The following KIF13A variants were observed in gnomAD, a reference collection of about 807,000 sequenced individuals.
The protein encoded by KIF13A is kinesin-like protein KIF13A.
KIF13A carries 79 observed loss-of-function variants against 212.2 expected under a neutral mutation model. That is an observed-to-expected ratio of 0.37 (90% CI 0.31 to 0.45). The LOEUF is 0.45. Among genes scored for constraint, KIF13A ranks in the 20% least tolerant of loss-of-function variants. KIF13A has a pLI of 1.00. For missense variants in KIF13A, 1,901 were observed against 2,209.0 expected, an observed-to-expected ratio of 0.86 and a Z score of 2.79; for synonymous variants, 789 against 808.6, an observed-to-expected ratio of 0.98 and a Z score of 0.41.
chr6:17,872,748 G>A lies in KIF13A; in HGVS notation c.220+629C>T, dbSNP rs138219385. On this transcript the variant is annotated intron_variant, in intron 4 of 38. Coordinates refer to ENST00000259711, the MANE Select transcript of KIF13A (RefSeq NM_022113.6). This position sits in a 1 kb window ranked among gnomAD's most constrained non-coding sequence, Gnocchi z 4.7. ...CCTCCTGGGCTCAAGGCATTCTCCCGCCTCAGCCTCCCAAGTAGCTGGGAT... is the reference window on the plus strand; with the variant it reads ...CCTCCTGGGCTCAAGGCATTCTCCCACCTCAGCCTCCCAAGTAGCTGGGAT... 4.5e-3 allele frequency among the ~76,000 whole-genome samples: 679 copies of A among 152,070 alleles called. 5 individuals are homozygous for A. The highest frequency in any genetic ancestry group is 0.014 in the Middle Eastern group (4 of 292).
rs747183114 is a variant in KIF13A at position 17,800,083 on chromosome 6, G to C, written c.2485C>G (p.Arg829Gly). The C allele has an allele frequency of 5.6e-6, 9 of 1,613,744 alleles. No homozygotes were observed. The highest frequency in any genetic ancestry group is 6.8e-6 in the Non-Finnish European group (8 of 1,179,822). ...VAGRLHVEVM[R>G]VTGAVPERVV... ...CGCTCTGGAACAGCTCCTGTAACAC[G>C]CATCACTTCCACGTGGAGACGCCCT... The change falls in exon 21 of 39, where the codon CGT becomes GGT. Residue 829 changes from arginine to glycine, a missense_variant. Around this residue, in one of 5 missense-constraint regions of KIF13A, gnomAD observed 534 missense variants for 536.9 expected, o/e 0.99. Coordinates refer to ENST00000259711, the MANE Select transcript of KIF13A (RefSeq NM_022113.6).
At position 17,900,939 on chromosome 6, in the gene KIF13A, G is replaced by A. The variant is rs967931166; in HGVS notation, c.147-2759C>T. On this transcript the variant is annotated intron_variant, in intron 2 of 38. Transcript: ENST00000259711. This position sits in a 1 kb window ranked among gnomAD's most constrained non-coding sequence, Gnocchi z 4.6. Reference sequence around the variant, plus strand: ...TAAAAATACAAAAAATTAGCCGGGCGTGGTGGCGGGTGCCTGTAGTCCCAG... The same window carrying A: ...TAAAAATACAAAAAATTAGCCGGGCATGGTGGCGGGTGCCTGTAGTCCCAG... Among the ~76,000 whole-genome samples, 14 of 151,898 alleles carry A rather than the reference G, an allele frequency of 9.2e-5. No individual in the cohort carries two copies. Among genetic ancestry groups the A allele is most frequent in the South Asian group, 2.1e-4 (1 of 4,804 alleles).
At chr6:17,896,080 G>A (rs750072010) in intron 3 of KIF13A, among the ~76,000 whole-genome samples, 17 of 152,082 alleles carry the variant, frequency 1.1e-4, no homozygotes, top group Non-Finnish European at 2.2e-4. Flanking sequence ...CTACTCTGTT[G>A]GTCCCCTGGA....
chr6:17,975,960 TAC>T (rs1348048356), intron 2 of KIF13A, among the ~76,000 whole-genome samples: 1 of 141,668 alleles, frequency 7.1e-6, no homozygotes, highest in Non-Finnish European at 1.5e-5. Flanking sequence ...AGTAGCTAGA[TAC>T]AGTGTCGATT....
Position 17,772,357 on chromosome 6 carries a change from TA to T in KIF13A, c.4325-299del, listed in dbSNP as rs528382186. Among the ~76,000 whole-genome samples, 712 of 151,942 alleles carry T rather than the reference TA, an allele frequency of 4.7e-3. 2 individuals carry two copies. Among genetic ancestry groups the T allele is most frequent in the Admixed American group, 9.6e-3 (147 of 15,268 alleles). ...CCCAGGGGTTGAGGCTGCAGTGAGTTATAATGGTGCCACTGCACTCCAGCCC... is the reference window on the plus strand; with the variant it reads ...CCCAGGGGTTGAGGCTGCAGTGAGTTTAATGGTGCCACTGCACTCCAGCCC... On this transcript the variant is annotated intron_variant, in intron 36 of 38. Coordinates refer to ENST00000259711, the MANE Select transcript of KIF13A (RefSeq NM_022113.6). The surrounding 1 kb of genome is among the most constrained non-coding windows in gnomAD (Gnocchi z 4.8).
chr6:17,821,826 CAT>C (rs377065700), intron 16 of KIF13A: 18 of 1,535,212 alleles, frequency 1.2e-5, no homozygotes, highest in Non-Finnish European at 1.5e-5. Context: ...TCTGAAACCA[CAT>C]GAGAGGAAAG....
chr6:17,875,449 T>C (rs969399797), intron 3 of KIF13A, among the ~76,000 whole-genome samples: 1 of 150,708 alleles, frequency 6.6e-6, no homozygotes, highest in East Asian at 1.9e-4. Context: ...TGCTGTTTTT[T>C]CTTTTCCTTT....
chr6:17,969,313 C>G (rs1326504504), intron 2 of KIF13A, among the ~76,000 whole-genome samples: 2 of 152,224 alleles, frequency 1.3e-5, no homozygotes, highest in African/African-American at 4.8e-5. Context: ...ATCGTGATAT[C>G]TTCTGCTTTG....
intron 2 of KIF13A, among the ~76,000 whole-genome samples, chr6:17,962,884 A>G: frequency 6.6e-6 from 1 of 152,204 alleles, no homozygotes; most frequent in East Asian, 1.9e-4. Context: ...CAATGCAATG[A>G]ATAGAATCAA....
chr6:17,877,144 C>CAA (rs35738402), intron 3 of KIF13A, among the ~76,000 whole-genome samples: 1,553 of 97,510 alleles, frequency 0.016, 61 homozygotes, highest in Middle Eastern at 0.03. Flanking sequence ...TCTCTCTTGC[C>CAA]AAAAAAAAAA....
At position 17,898,664 on chromosome 6, in the gene KIF13A, T is replaced by C. The variant is rs983661463; in HGVS notation, c.147-484A>G. 6.6e-6 allele frequency among the ~76,000 whole-genome samples: 1 copy of C among 152,142 alleles called. No individual in the cohort carries two copies. The highest frequency in any genetic ancestry group is 1.5e-5 in the Non-Finnish European group (1 of 68,038). ...GGGAGTTTTTCTCATTTAAAAACCA[T>C]GGTTTTAAATAACTCATATTTTTTA... On this transcript the variant is annotated intron_variant, in intron 2 of 38. Transcript: ENST00000259711. The surrounding 1 kb of genome is among the most constrained non-coding windows in gnomAD (Gnocchi z 5.2).
chr6:17,965,070 C>G (rs1204849980), intron 2 of KIF13A, among the ~76,000 whole-genome samples: 1 of 152,188 alleles, frequency 6.6e-6, no homozygotes, highest in African/African-American at 2.4e-5. Context: ...CTCAAGTGAT[C>G]TGCCCACCTT....
chr6:17,889,749 G>C (rs1771872577), intron 3 of KIF13A, among the ~76,000 whole-genome samples: 1 of 152,170 alleles, frequency 6.6e-6, no homozygotes, highest in Non-Finnish European at 1.5e-5. Flanking sequence ...GTACCTGACT[G>C]GCAATCAGGA....
rs745990476 is a variant in KIF13A, at chr6:17,895,579, A to G, written c.159+2589T>C. On this transcript the variant is annotated intron_variant, in intron 3 of 38. Transcript: ENST00000259711. The surrounding 1 kb of genome is among the most constrained non-coding windows in gnomAD (Gnocchi z 4.4). ...TGGCTGCATCTCAATCCACTTTACCAACCCAAAGTATAAGGAGATTAGCAA... is the reference window on the plus strand; with the variant it reads ...TGGCTGCATCTCAATCCACTTTACCGACCCAAAGTATAAGGAGATTAGCAA... 6.6e-5 allele frequency among the ~76,000 whole-genome samples: 10 copies of G among 152,174 alleles called. No individual in the cohort carries two copies. The highest frequency in any genetic ancestry group is 1.3e-4 in the Non-Finnish European group (9 of 68,028).
intron 16 of KIF13A, among the ~76,000 whole-genome samples, chr6:17,824,773 A>C (rs941802780): frequency 2.7e-5 from 4 of 147,916 alleles, no homozygotes; most frequent in Non-Finnish European, 5.9e-5. Context: ...AAAAAAAAAA[A>C]AAAAAAACAA....
chr6:17,827,827 T>C (rs1179397468), intron 14 of KIF13A, among the ~76,000 whole-genome samples: 1 of 152,150 alleles, frequency 6.6e-6, no homozygotes, highest in Non-Finnish European at 1.5e-5. Flanking sequence ...TAGCCAATTT[T>C]CTGGTATTTA....
chr6:17,868,897 G>A (rs1769679674), intron 4 of KIF13A, among the ~76,000 whole-genome samples: 1 of 144,722 alleles, frequency 6.9e-6, no homozygotes, highest in African/African-American at 2.5e-5. Flanking sequence ...AGGAGGCTGA[G>A]GCAGGAGAAT....
intron 2 of KIF13A, among the ~76,000 whole-genome samples, chr6:17,979,589 C>T (rs879537030): frequency 1.2e-4 from 18 of 152,046 alleles, no homozygotes; most frequent in African/African-American, 3.4e-4. Flanking sequence ...GGAGAAACCT[C>T]AGAGTTTAGG....
Position 17,809,975 on chromosome 6 carries a change from C to T in KIF13A, c.2001-1045G>A, listed in dbSNP as rs967782784. Among the ~76,000 whole-genome samples, 6 of 151,952 alleles carry T rather than the reference C, an allele frequency of 3.9e-5. No homozygotes were observed. Among genetic ancestry groups the T allele is most frequent in the African/African-American group, 1.5e-4 (6 of 41,348 alleles). On this transcript the variant is annotated intron_variant, in intron 17 of 38. Coordinates refer to ENST00000259711, the MANE Select transcript of KIF13A (RefSeq NM_022113.6). This position sits in a 1 kb window ranked among gnomAD's most constrained non-coding sequence, Gnocchi z 4.7. ...GGGGCAGTGGCTCATGGCTATAATC[C>T]CAACACTTTGGGAAGCCGAGGTGGG...
Sources: gnomAD v4.1 joint callset for allele counts (sites outside exome capture counted in the v4.1 genomes callset) on GRCh38, gnomAD v4.1.1 for gene constraint, gnomAD v4.1.1 regional missense constraint, Gnocchi (gnomAD v3.1) non-coding constraint, MANE v1.5 for transcripts, NCBI Gene and HGNC (gene_info 2026-07-23, HGNC 2026-07-21) for gene names.